SPAST: variants seen among roughly 807,000 people sequenced by gnomAD.
The protein encoded by SPAST is spastic paraplegia 4 (autosomal dominant; spastin).
A neutral mutation model predicts 76.6 loss-of-function variants in SPAST; 30 were observed. That is an observed-to-expected ratio of 0.39 (90% CI 0.29 to 0.53). The LOEUF (loss-of-function observed/expected upper bound fraction) is 0.53. SPAST is among the 20% of genes least tolerant of loss of function. The probability of loss-of-function intolerance (pLI) is 0.68; values close to 1 mark genes in which losing one functional copy is unlikely to be tolerated. For synonymous variants in SPAST, 305 were observed against 281.0 expected (o/e 1.09, Z -0.86); for missense variants, 717 against 770.5 (o/e 0.93, Z 0.82).
rs772530333 is a variant in SPAST, at chr2:32,064,140, G to C, written c.309G>C (p.Ser103=). 1 of 1,567,812 alleles carries C rather than the reference G, an allele frequency of 6.4e-7. No individual in the cohort carries two copies. The highest frequency in any genetic ancestry group is 1.9e-5 in the Admixed American group (1 of 52,192). Residue 103 remains serine, a synonymous_variant, in exon 1 of 17, where the codon TCG becomes TCC. Transcript: ENST00000315285. Reference sequence around the variant, plus strand: ...CCGCGCCAGCACCTGCCTCGGCCTCGGCCCCGGCGCCGGTGCCGGGCGGCG... The same window carrying C: ...CCGCGCCAGCACCTGCCTCGGCCTCCGCCCCGGCGCCGGTGCCGGGCGGCG... ...SGAAPAPASA[S]APAPVPGGEA...
chr2:32,136,665 A>G (rs571680252), intron 10 of SPAST, 27 bp downstream of exon 10: 2 of 1,549,972 alleles, frequency 1.3e-6, no homozygotes, highest in South Asian at 2.2e-5. Flanking sequence ...CAACTAAGTT[A>G]TTGACTATTT....
At chr2:32,102,274 T>A (rs1358561108) in intron 4 of SPAST, among the ~76,000 whole-genome samples, 5 of 152,224 alleles carry the variant, frequency 3.3e-5, no homozygotes, top group African/African-American at 4.8e-5. Context: ...TGGCTGTTTG[T>A]CTGTTATTGG....
chr2:32,128,196 T>C lies in SPAST; in HGVS notation c.1174-212T>C, dbSNP rs866450464. 188 of 496,450 alleles carry C rather than the reference T, an allele frequency of 3.8e-4. 4 individuals are homozygous for C. The highest frequency in any genetic ancestry group is 2.9e-3 in the South Asian group (137 of 46,572). The allele number at this position is 496,450 out of a possible 1,614,324, so 30.8% of individuals were successfully genotyped here. ...TTTTATTAGAGATGGGATTTCACCA[T>C]GTTGGCCAGGCTGGTCTCAAACTCT... On this transcript the variant is annotated intron_variant, in intron 8 of 16. Coordinates refer to ENST00000315285, the MANE Select transcript of SPAST (RefSeq NM_014946.4).
At chr2:32,116,601 G>A (rs1678846922) in intron 7 of SPAST, among the ~76,000 whole-genome samples, 1 of 152,090 alleles carries the variant, frequency 6.6e-6, no homozygotes, top group African/African-American at 2.4e-5. Flanking sequence ...CAAGTAGCTG[G>A]GATTACAGGC....
At chr2:32,147,402 A>T (rs1444066535) in intron 16 of SPAST, 144 bp downstream of exon 16, 5 of 566,328 alleles carry the variant, frequency 8.8e-6, no homozygotes, top group Non-Finnish European at 1.5e-5. Flanking sequence ...GGCTCACTGC[A>T]ACCTCCACCT....
intron 4 of SPAST, among the ~76,000 whole-genome samples, chr2:32,113,116 A>G (rs528556328): frequency 3.9e-5 from 6 of 152,254 alleles, no homozygotes; most frequent in African/African-American, 1.2e-4. Flanking sequence ...TCTTTCAATT[A>G]AAATTGATTA....
At chr2:32,114,531 T>G in intron 4 of SPAST, 107 bp from the exon 5 acceptor site, 1 of 855,866 alleles carries the variant, frequency 1.2e-6, no homozygotes, top group Non-Finnish European at 1.9e-6. Flanking sequence ...TTTGAAATAT[T>G]TTTGAATTAA....
intron 1 of SPAST, among the ~76,000 whole-genome samples, chr2:32,068,220 C>T (rs1377991454): frequency 6.6e-6 from 1 of 152,028 alleles, no homozygotes; most frequent in Non-Finnish European, 1.5e-5. Flanking sequence ...CCTCGTGATC[C>T]ACCCGCCTCG....
At chr2:32,112,423 C>T (rs62142112) in intron 4 of SPAST, among the ~76,000 whole-genome samples, 21,102 of 147,646 alleles carry the variant, frequency 0.14, 1,995 homozygotes, top group Non-Finnish European at 0.19. Context: ...TCTTGGCTCA[C>T]CGCAATCTCT....
Position 32,086,484 on chromosome 2 carries a change from C to T in SPAST, c.416-1008C>T, listed in dbSNP as rs533978933. On this transcript the variant is annotated intron_variant, in intron 1 of 16. Coordinates refer to ENST00000315285, the MANE Select transcript of SPAST (RefSeq NM_014946.4). ...GTTTAAAAAAAAAAAAAAATGAGGC[C>T]GGGCGCGGTGGCTCACCTCTGTAAT... 6.0e-5 allele frequency among the ~76,000 whole-genome samples: 9 copies of T among 151,160 alleles called. No homozygotes were observed. The East Asian group carries it at 9.7e-4, about 16-fold the overall frequency.
chr2:32,115,601 T>C, intron 5 of SPAST, 101 bp from the exon 6 acceptor site: 1 of 899,908 alleles, frequency 1.1e-6, no homozygotes, highest in Non-Finnish European at 1.7e-6. Flanking sequence ...CCCTTTTTCC[T>C]ATTTTTAAAG....
At chr2:32,094,097 G>A (rs1219313091) in intron 3 of SPAST, among the ~76,000 whole-genome samples, 4 of 152,078 alleles carry the variant, frequency 2.6e-5, no homozygotes, top group African/African-American at 9.7e-5. Context: ...TTTTTAACCA[G>A]CACATAATAA....
At position 32,086,503 on chromosome 2, in the gene SPAST, C is replaced by T. The variant is rs370970573; in HGVS notation, c.416-989C>T. Among the ~76,000 whole-genome samples, 4 of 151,374 alleles carry T rather than the reference C, an allele frequency of 2.6e-5. No individual in the cohort carries two copies. In the East Asian group the frequency reaches 5.8e-4, roughly 22 times the overall value. Reference sequence around the variant, plus strand: ...TGAGGCCGGGCGCGGTGGCTCACCTCTGTAATCTGAGCACTTTGAGAGGCC... The same window carrying T: ...TGAGGCCGGGCGCGGTGGCTCACCTTTGTAATCTGAGCACTTTGAGAGGCC... On this transcript the variant is annotated intron_variant, in intron 1 of 16. Coordinates refer to ENST00000315285, the MANE Select transcript of SPAST (RefSeq NM_014946.4).
chr2:32,099,129 T>C (rs1678026176), intron 4 of SPAST, among the ~76,000 whole-genome samples: 1 of 152,240 alleles, frequency 6.6e-6, no homozygotes, highest in Non-Finnish European at 1.5e-5. Flanking sequence ...TTTTTCAGAT[T>C]ATAAAATATG....
chr2:32,147,161 A>G, intron 15 of SPAST, 57 bp from the exon 16 acceptor site: 3 of 1,279,468 alleles, frequency 2.3e-6, no homozygotes, highest in Non-Finnish European at 1.1e-6. Context: ...TTGCCCTTCA[A>G]CAATTTCAAC....
At chr2:32,110,661 A>T (rs962284218) in intron 4 of SPAST, among the ~76,000 whole-genome samples, 1 of 138,094 alleles carries the variant, frequency 7.2e-6, no homozygotes, top group Non-Finnish European at 1.5e-5. Context: ...ATAGTATAGT[A>T]TATATAGTAT....
In SPAST at chr2:32,063,580, G is replaced by A. The variant is rs1336701756; in HGVS notation, c.-252G>A. 2.0e-6 allele frequency: 1 copy of A among 512,800 alleles called. No individual in the cohort carries two copies. Among genetic ancestry groups the A allele is most frequent in the African/African-American group, 2.1e-5 (1 of 48,678 alleles). 31.8% of individuals were successfully genotyped at this position (512,800 alleles called of 1,614,324 possible). A position where few individuals can be genotyped will look rare whatever the true frequency, so the allele number is the denominator to read the frequency against. On this transcript the variant is annotated 5_prime_UTR_variant, in exon 1 of 17. Coordinates refer to ENST00000315285, the MANE Select transcript of SPAST (RefSeq NM_014946.4). ...CGCGGCCGCCGCTGGGAGCCACCAG[G>A]CGGCGGAGAGGACAGCGACAGGAAG...
intron 9 of SPAST, chr2:32,130,446 TG>T (rs1393408897): frequency 6.6e-6 from 1 of 152,168 alleles, no homozygotes; most frequent in African/African-American, 2.4e-5. Flanking sequence ...AGGCCAGGTG[TG>T]GTGGCTCACG....
At chr2:32,079,501 G>A (rs902580044) in intron 1 of SPAST, among the ~76,000 whole-genome samples, 1 of 120,848 alleles carries the variant, frequency 8.3e-6, no homozygotes, top group Non-Finnish European at 1.8e-5. Flanking sequence ...GCGAGACCCA[G>A]TCTAAAAAAA....
Sources: allele counts gnomAD v4.1 joint callset (sites outside exome capture counted in the v4.1 genomes callset), GRCh38; gene constraint gnomAD v4.1.1; transcripts MANE v1.5; gene names NCBI Gene and HGNC (gene_info 2026-07-23, HGNC 2026-07-21).